The following CYP27B1 variants were observed in gnomAD, a reference collection of about 807,000 sequenced individuals.
The protein encoded by CYP27B1 is cytochrome P450 family 27 subfamily B member 1.
A neutral mutation model predicts 54.8 loss-of-function variants in CYP27B1; 46 were observed. The observed-to-expected ratio is 0.84, with a 90% CI of 0.66 to 1.07. The LOEUF is 1.07. Ranked by LOEUF, CYP27B1 falls within the 50% of genes least tolerant of loss-of-function variation. The pLI, the probability that CYP27B1 is intolerant of heterozygous loss-of-function variation, is 0.00. For missense variants in CYP27B1, 674 were observed against 692.2 expected, an observed-to-expected ratio of 0.97 and a Z score of 0.30; for synonymous variants, 292 against 297.3, an observed-to-expected ratio of 0.98 and a Z score of 0.18.
chr12:57,766,643 T>C (rs1259665057), intron 1 of CYP27B1: 6 of 635,344 alleles, frequency 9.4e-6, no homozygotes, highest in African/African-American at 5.5e-5. Context: ...GAAGGCGCTT[T>C]CGCAGCGCCC....
Position 57,763,105 on chromosome 12 carries a change from A to G in CYP27B1, c.*37T>C, listed in dbSNP as rs371594650. 7.0e-6 allele frequency: 10 copies of G among 1,436,642 alleles called. No individual in the cohort carries two copies. The highest frequency in any genetic ancestry group is 6.9e-6 in the Non-Finnish European group (7 of 1,020,232). 89.0% of individuals were successfully genotyped at this position (1,436,642 alleles called of 1,614,324 possible). Reference sequence around the variant, plus strand: ...TACAAAAAATCTTATCCCTATGATGAATGAAAGGGTGATGATGACAGTCTC... The same window carrying G: ...TACAAAAAATCTTATCCCTATGATGGATGAAAGGGTGATGATGACAGTCTC... On this transcript the variant is annotated 3_prime_UTR_variant, in exon 9 of 9. Transcript: ENST00000228606.
chr12:57,763,601 G>C lies in CYP27B1; in HGVS notation c.1413+10C>G. The C allele has an allele frequency of 7.4e-6, 12 of 1,612,954 alleles. No homozygotes were observed. The highest frequency in any genetic ancestry group is 2.7e-5 in the African/African-American group (2 of 74,958). ...CAGTCTGGGGAAGGTATAAAATCTA[G>C]AGCACTCACCTGGGCCAAAGCCATT... On this transcript the variant is annotated intron_variant, in intron 8 of 8. Transcript: ENST00000228606.
intron 6 of CYP27B1, 44 bp downstream of exon 6, chr12:57,764,334 C>G (rs2140396493): frequency 1.2e-6 from 2 of 1,612,990 alleles, no homozygotes; most frequent in Non-Finnish European, 8.5e-7. Context: ...TTCCCCAGCC[C>G]TTCCTTGGCA....
chr12:57,765,634 C>A lies in CYP27B1; in HGVS notation c.387-135G>T. The A allele has an allele frequency of 9.9e-7, 1 of 1,007,208 alleles. No homozygotes were observed. The highest frequency in any genetic ancestry group is 1.5e-6 in the Non-Finnish European group (1 of 651,492). The allele number at this position is 1,007,208 out of a possible 1,614,324, so 62.4% of individuals were successfully genotyped here. ...TGCCCCCTTGGGGTACGGAAACCTG[C>A]ACCGGCCTGCGCCTGTCTTCCAGCC... On this transcript the variant is annotated intron_variant, in intron 2 of 8. Coordinates refer to ENST00000228606, the MANE Select transcript of CYP27B1 (RefSeq NM_000785.4). The surrounding 1 kb of genome is among the most constrained non-coding windows in gnomAD (Gnocchi z 5.8).
rs761803324 is a variant in CYP27B1 at position 57,767,056 on chromosome 12, T to A, written c.-15A>T. 1.9e-6 allele frequency: 3 copies of A among 1,613,684 alleles called. No individual in the cohort carries two copies. The highest frequency in any genetic ancestry group is 1.7e-6 in the Non-Finnish European group (2 of 1,179,618). On this transcript the variant is annotated 5_prime_UTR_variant, in exon 1 of 9. Transcript: ENST00000228606. ...GTCTGGGTCATGGTCTGGTTCAGGG[T>A]GCTCGCGAAAGAAAGCGCTTCTCCT...
In CYP27B1 at chr12:57,763,712, G is replaced by T; in HGVS notation, c.1312C>A (p.Pro438Thr). Reference protein sequence around the residue: ...FRPARWLGEGPTPHPFASLPF... With the variant: ...FRPARWLGEGTTPHPFASLPF... ...AGAGATGCAAATGGGTGGGGGGTGG[G>T]ACCCTCCCCCAGCCAGCGAGCTGGA... The change falls in exon 8 of 9, where the codon CCC becomes ACC. Residue 438 changes from proline to threonine, a missense_variant. Physicochemically the swap from Pro to Thr is conservative, Grantham distance 38. Transcript: ENST00000228606. The T allele has an allele frequency of 1.3e-6, 2 of 1,495,274 alleles. No homozygotes were observed. Among genetic ancestry groups the T allele is most frequent in the South Asian group, 1.1e-5 (1 of 88,722 alleles). 92.6% of individuals were successfully genotyped at this position (1,495,274 alleles called of 1,614,324 possible). A position where few individuals can be genotyped will look rare whatever the true frequency, so the allele number is the denominator to read the frequency against.
In CYP27B1 at chr12:57,763,748, T is replaced by C. The variant is rs1955337038; in HGVS notation, c.1276A>G (p.Asn426Asp). 11 of 1,614,034 alleles carry C rather than the reference T, an allele frequency of 6.8e-6. No individual in the cohort carries two copies. Among genetic ancestry groups the C allele is most frequent in the African/African-American group, 5.3e-5 (4 of 74,998 alleles). Residue 426 changes from asparagine (N) to aspartate (D), a missense_variant, in exon 8 of 9, where the codon AAT becomes GAT. Coordinates refer to ENST00000228606, the MANE Select transcript of CYP27B1 (RefSeq NM_000785.4). ...SRDPAQFPEP[N>D]SFRPARWLGE... The stretch of plus-strand genomic sequence containing the variant: ...AGCCAGCGAGCTGGACGAAAAGAAT[T>C]TGGCTCTGGGAACTGGGCAGGGTCC...
rs779577823 is a variant in CYP27B1, at chr12:57,765,261, C to A, written c.589+36G>T. The stretch of plus-strand genomic sequence containing the variant: ...GGTTCCGGGAGGCTCTGGTAGGGCG[C>A]CCCCGACGCCTGCCCAGCTCTGTCC... On this transcript the variant is annotated intron_variant, in intron 3 of 8. Transcript: ENST00000228606. The surrounding 1 kb of genome is among the most constrained non-coding windows in gnomAD (Gnocchi z 5.8). 3.2e-5 allele frequency: 52 copies of A among 1,611,530 alleles called. No homozygotes were observed. The Admixed American group carries it at 7.2e-4, about 22-fold the overall frequency.
At chr12:57,766,682 C>T (rs551974141) in intron 1 of CYP27B1, among the ~76,000 whole-genome samples, 165 bp downstream of exon 1, 1 of 152,290 alleles carries the variant, frequency 6.6e-6, no homozygotes, top group Admixed American at 6.5e-5. Context: ...GGGCTCTGCC[C>T]GAGTGTAGCC....
At chr12:57,766,820 T>C (rs2140398174) in intron 1 of CYP27B1, 27 bp downstream of exon 1, 1 of 1,612,060 alleles carries the variant, frequency 6.2e-7, no homozygotes, top group East Asian at 2.2e-5. Context: ...CCCAGCACTC[T>C]GTCTCGGGAA....
In CYP27B1 at chr12:57,763,043, A is replaced by T; in HGVS notation, c.*99T>A. On this transcript the variant is annotated 3_prime_UTR_variant, in exon 9 of 9. Transcript: ENST00000228606. ...GTGGTTCTATCCAGTTTGGTCAGAT[A>T]GGCATTAGGGGAAGATGTATACCTT... 2.4e-6 allele frequency: 2 copies of T among 845,610 alleles called. No individual in the cohort carries two copies. Among genetic ancestry groups the T allele is most frequent in the Non-Finnish European group, 4.0e-6 (2 of 505,016 alleles). 52.4% of individuals were successfully genotyped at this position (845,610 alleles called of 1,614,324 possible). A position where few individuals can be genotyped will look rare whatever the true frequency, so the allele number is the denominator to read the frequency against.
chr12:57,765,346 G>A lies in CYP27B1; in HGVS notation c.540C>T (p.Pro180=), dbSNP rs200761229. 9.9e-6 allele frequency: 16 copies of A among 1,613,376 alleles called. No individual in the cohort carries two copies. The East Asian group carries it at 2.2e-4, about 22-fold the overall frequency. The change falls in exon 3 of 9, where the codon CCC becomes CCT. Residue 180 remains proline, a synonymous_variant. Transcript: ENST00000228606. The surrounding 1 kb of genome is among the most constrained non-coding windows in gnomAD (Gnocchi z 5.8). ...CCCCCGCCACGTCCCGAACCAGGGC[G>A]GGCGGCCCCGTGCCACGTCCCCGCT... ...RRQRGRGTGP[P]ALVRDVAGEF...
chr12:57,765,085 G>A lies in CYP27B1; in HGVS notation c.716C>T (p.Pro239Leu). 1.2e-6 allele frequency: 2 copies of A among 1,613,908 alleles called. No homozygotes were observed. The highest frequency in any genetic ancestry group is 1.7e-6 in the Non-Finnish European group (2 of 1,180,038). Residue 239 changes from proline to leucine, a missense_variant, in exon 4 of 9, where the codon CCC becomes CTC. Transcript: ENST00000228606. This position sits in a 1 kb window ranked among gnomAD's most constrained non-coding sequence, Gnocchi z 5.8. ...AGGCACAAGGTGGCGCAGCCAGTGG[G>A]GCATCGCCATGGTCAACAGCGTGGA... ...FVSTLLTMAM[P>L]HWLRHLVPGP...
Position 57,766,315 on chromosome 12 carries a change from G to A in CYP27B1, c.196-118C>T. ...AATAGGGAGCTTCTGCTCTTTCTCG[G>A]GTGCCCAACTAGTGTATGCCTTTGA... On this transcript the variant is annotated intron_variant, in intron 1 of 8. Coordinates refer to ENST00000228606, the MANE Select transcript of CYP27B1 (RefSeq NM_000785.4). The A allele has an allele frequency of 2.2e-6, 3 of 1,336,624 alleles. No individual in the cohort carries two copies. In the South Asian group the frequency reaches 4.9e-5, roughly 22 times the overall value. 82.8% of individuals were successfully genotyped at this position (1,336,624 alleles called of 1,614,324 possible).
chr12:57,763,552 A>T, intron 8 of CYP27B1, 59 bp downstream of exon 8: 1 of 1,466,598 alleles, frequency 6.8e-7, no homozygotes, highest in Non-Finnish European at 9.6e-7. Context: ...AAGAGCTCAC[A>T]ACTTTAGAGG....
chr12:57,766,916 G>A lies in CYP27B1; in HGVS notation c.126C>T (p.Gly42=). ...SARRSLADIP[G]PSTPSFLAEL... ...CGGCCAGAAAGCTGGGCGTAGAGGG[G>A]CCTGGGATGTCTGCCAAGCTCCGGC... Residue 42 remains glycine, a synonymous_variant, in exon 1 of 9, where the codon GGC becomes GGT. Coordinates refer to ENST00000228606, the MANE Select transcript of CYP27B1 (RefSeq NM_000785.4). 2 of 1,614,196 alleles carry A rather than the reference G, an allele frequency of 1.2e-6. No individual in the cohort carries two copies. Among genetic ancestry groups the A allele is most frequent in the South Asian group, 1.1e-5 (1 of 91,076 alleles).
In CYP27B1 at chr12:57,764,631, A is replaced by G. The variant is rs762038212; in HGVS notation, c.964-81T>C. The stretch of plus-strand genomic sequence containing the variant: ...GCAGATTATGGAAGAGTCTGGGGCT[A>G]CAGGGTGCTAAGCCAAGCTGGTCTA... On this transcript the variant is annotated intron_variant, in intron 5 of 8. Coordinates refer to ENST00000228606, the MANE Select transcript of CYP27B1 (RefSeq NM_000785.4). 3.1e-6 allele frequency: 5 copies of G among 1,590,806 alleles called. No individual in the cohort carries two copies. In the East Asian group the frequency reaches 8.9e-5, roughly 28 times the overall value.
Position 57,767,034 on chromosome 12 carries a change from T to C in CYP27B1, c.8A>G (p.Gln3Arg). 1 of 1,614,180 alleles carries C rather than the reference T, an allele frequency of 6.2e-7. No homozygotes were observed. The highest frequency in any genetic ancestry group is 8.5e-7 in the Non-Finnish European group (1 of 1,180,020). MT[Q>R]TLKYASRVFH... The stretch of plus-strand genomic sequence containing the variant: ...CACTCTGGAGGCGTACTTGAGGGTC[T>C]GGGTCATGGTCTGGTTCAGGGTGCT... The change falls in exon 1 of 9, where the codon CAG (glutamine) becomes CGG (arginine). Residue 3 changes from glutamine to arginine, a missense_variant. Transcript: ENST00000228606.
chr12:57,764,062 AT>A (rs1955338993), intron 7 of CYP27B1, 35 bp downstream of exon 7: 1 of 1,522,718 alleles, frequency 6.6e-7, no homozygotes, highest in African/African-American at 1.4e-5. Context: ...ATAGTGAGGA[AT>A]GGCTCAGTAG....
Sources: gnomAD v4.1 joint callset for allele counts (sites outside exome capture counted in the v4.1 genomes callset) on GRCh38, gnomAD v4.1.1 for gene constraint, Gnocchi (gnomAD v3.1) non-coding constraint, MANE v1.5 for transcripts, NCBI Gene and HGNC (gene_info 2026-07-23, HGNC 2026-07-21) for gene names.